The following KIAA2012 variants were observed in gnomAD, a reference collection of about 807,000 sequenced individuals.
KIAA2012 encodes the protein KIAA2012.
Under a neutral mutation model 150.6 loss-of-function variants are expected in KIAA2012, and 125 were observed. That is an observed-to-expected ratio of 0.83 (90% CI 0.72 to 0.96). The LOEUF is 0.96. KIAA2012 is among the 40% of genes least tolerant of loss of function. The pLI, the probability that KIAA2012 is intolerant of heterozygous loss-of-function variation, is 0.00. For synonymous variants in KIAA2012, 462 were observed against 504.7 expected, an observed-to-expected ratio of 0.92 and a Z score of 1.13; for missense variants, 1,219 against 1,354.9, an observed-to-expected ratio of 0.90 and a Z score of 1.57.
At chr2:202,190,104 TA>T in intron 18 of KIAA2012, 69 bp from the exon 19 acceptor site, 1 of 1,282,552 alleles carries the variant, frequency 7.8e-7, no homozygotes, top group Non-Finnish European at 1.0e-6. Flanking sequence ...AAAAAGTTAC[TA>T]AAAAGGATGT....
chr2:202,087,898 CA>C (rs1324719507), intron 2 of KIAA2012, among the ~76,000 whole-genome samples: 7 of 151,524 alleles, frequency 4.6e-5, no homozygotes, highest in South Asian at 2.1e-4. Flanking sequence ...TTCTGAGATG[CA>C]ACGGAGTCTG....
Position 202,202,487 on chromosome 2 carries a change from A to AGT in KIAA2012, c.3468_3469dup (p.Gly1157ValfsTer67), listed in dbSNP as rs1475775816. On this transcript the variant is annotated frameshift_variant, in exon 23 of 24. Transcript: ENST00000498697. LOFTEE classifies it high-confidence loss of function. ...CTATCAAGAACTCCATAAGGAAGCC[A>AGT]GTGGCCTGCAGTGGACACAGAACAT... The AGT allele has an allele frequency of 2.5e-6, 1 of 399,354 alleles. No homozygotes were observed. The allele number at this position is 399,354 out of a possible 1,614,324, so 24.7% of individuals were successfully genotyped here.
chr2:202,189,421 A>C (rs1692287954), intron 18 of KIAA2012, among the ~76,000 whole-genome samples: 1 of 151,372 alleles, frequency 6.6e-6, no homozygotes, highest in African/African-American at 2.4e-5. Context: ...CCTCCCGAGT[A>C]CCTGGGATTA....
At chr2:202,161,537 C>T (rs2105718782) in intron 14 of KIAA2012, among the ~76,000 whole-genome samples, 1 of 152,174 alleles carries the variant, frequency 6.6e-6, no homozygotes, top group South Asian at 2.1e-4. Flanking sequence ...GCCCCCGCAC[C>T]AAACTATCCC....
At chr2:202,100,852 G>A (rs1690023876) in intron 7 of KIAA2012, among the ~76,000 whole-genome samples, 1 of 152,180 alleles carries the variant, frequency 6.6e-6, no homozygotes. Context: ...CTCCACTGAG[G>A]GTCTATCACC....
intron 12 of KIAA2012, among the ~76,000 whole-genome samples, chr2:202,133,118 A>T (rs1246890370): frequency 1.1e-4 from 8 of 73,422 alleles, no homozygotes; most frequent in African/African-American, 3.9e-4. Flanking sequence ...AAATATATAT[A>T]TATATATATA....
chr2:202,171,001 C>T (rs1691875158), intron 15 of KIAA2012, among the ~76,000 whole-genome samples: 1 of 152,166 alleles, frequency 6.6e-6, no homozygotes, highest in South Asian at 2.1e-4. Flanking sequence ...GCTGACCTCC[C>T]CAGGCTGTCT....
chr2:202,195,000 C>T (rs1424394373), intron 21 of KIAA2012, among the ~76,000 whole-genome samples: 1 of 151,762 alleles, frequency 6.6e-6, no homozygotes, highest in Non-Finnish European at 1.5e-5. Context: ...GAACTCCTGA[C>T]GTCATGATCT....
chr2:202,128,039 A>G (rs991337662), intron 12 of KIAA2012, among the ~76,000 whole-genome samples: 4 of 151,226 alleles, frequency 2.6e-5, no homozygotes, highest in Admixed American at 2.6e-4. Context: ...GTCCTAGTTA[A>G]CTCCTGCTAA....
intron 15 of KIAA2012, chr2:202,179,250 G>T: frequency 1.2e-6 from 1 of 866,572 alleles, no homozygotes; most frequent in South Asian, 1.4e-5. Flanking sequence ...TAGGCATTGT[G>T]ACTTAAAAAC....
chr2:202,110,343 A>C (rs1690313873), intron 10 of KIAA2012, among the ~76,000 whole-genome samples: 1 of 152,224 alleles, frequency 6.6e-6, no homozygotes, highest in Non-Finnish European at 1.5e-5. Flanking sequence ...ATGCTTATAC[A>C]GAGCAATAAT....
intron 13 of KIAA2012, among the ~76,000 whole-genome samples, chr2:202,151,323 G>A (rs771492763): frequency 6.6e-6 from 1 of 152,026 alleles, no homozygotes; most frequent in Non-Finnish European, 1.5e-5. Context: ...CTTGAATCAG[G>A]GAGGCAGAGG....
chr2:202,076,218 TTGAC>T (rs56838964), intron 2 of KIAA2012, among the ~76,000 whole-genome samples: 33,283 of 152,118 alleles, frequency 0.22, 3,898 homozygotes, highest in Non-Finnish European at 0.25. Context: ...ATTTATTTCT[TTGAC>T]TGTCATTCCT....
intron 13 of KIAA2012, among the ~76,000 whole-genome samples, chr2:202,141,855 A>C (rs1353429250): frequency 1.3e-5 from 2 of 152,230 alleles, no homozygotes; most frequent in Non-Finnish European, 2.9e-5. Flanking sequence ...TAAGGTGACC[A>C]GCACCTAAAA....
intron 19 of KIAA2012, among the ~76,000 whole-genome samples, chr2:202,190,935 A>T (rs1342894661): frequency 2.0e-5 from 3 of 152,166 alleles, no homozygotes; most frequent in African/African-American, 7.2e-5. Context: ...TTTCTGCGGT[A>T]TGCAGCTGGA....
intron 9 of KIAA2012, among the ~76,000 whole-genome samples, chr2:202,108,688 A>C (rs146857714): frequency 2.0e-5 from 3 of 152,370 alleles, no homozygotes; most frequent in African/African-American, 7.2e-5. Flanking sequence ...TCAGCCCATC[A>C]TATCAAGGGA....
At chr2:202,169,719 C>A (rs766490450) in intron 15 of KIAA2012, among the ~76,000 whole-genome samples, 5 of 152,202 alleles carry the variant, frequency 3.3e-5, no homozygotes, top group Non-Finnish European at 5.9e-5. Context: ...CCCAGACCTG[C>A]CTGTTAACAA....
intron 15 of KIAA2012, among the ~76,000 whole-genome samples, chr2:202,177,152 C>T (rs1338863661): frequency 1.3e-5 from 2 of 151,876 alleles, no homozygotes; most frequent in Non-Finnish European, 2.9e-5. Flanking sequence ...TCCCAAAAGA[C>T]TTATTAAGGG....
chr2:202,161,962 C>G (rs1412283007), intron 14 of KIAA2012, among the ~76,000 whole-genome samples: 4 of 152,120 alleles, frequency 2.6e-5, no homozygotes, highest in African/African-American at 4.8e-5. Context: ...TTCCATCACT[C>G]TGTTTTAATC....
Sources: gnomAD v4.1 joint callset for allele counts (sites outside exome capture counted in the v4.1 genomes callset) on GRCh38, gnomAD v4.1.1 for gene constraint, MANE v1.5 for transcripts, NCBI Gene and HGNC (gene_info 2026-07-23, HGNC 2026-07-21) for gene names.